The following LCA5 variants were observed in gnomAD, a reference collection of about 807,000 sequenced individuals.
The protein encoded by LCA5 is lebercilin.
A neutral mutation model predicts 53.0 loss-of-function variants in LCA5; 37 were observed. The observed-to-expected ratio is 0.70, with a 90% CI of 0.54 to 0.92. LCA5 has a LOEUF of 0.92. LCA5 is among the 40% of genes least tolerant of loss of function. The pLI, the probability that LCA5 is intolerant of heterozygous loss-of-function variation, is 0.00. For missense variants in LCA5, 806 were observed against 790.5 expected, an observed-to-expected ratio of 1.02 and a Z score of -0.23; for synonymous variants, 303 against 282.9, an observed-to-expected ratio of 1.07 and a Z score of -0.71.
At chr6:79,504,910 T>C (rs1770236644) in intron 3 of LCA5, among the ~76,000 whole-genome samples, 2 of 152,134 alleles carry the variant, frequency 1.3e-5, no homozygotes, top group Non-Finnish European at 2.9e-5. Flanking sequence ...TATTGAACAA[T>C]GTGTATGGTA....
rs75116057 is a variant in LCA5 at position 79,528,484 on chromosome 6, T to C, written c.-192+8681A>G. Among the ~76,000 whole-genome samples the C allele has an allele frequency of 1.2e-4, 19 of 152,298 alleles. No homozygotes were observed. In the East Asian group the frequency reaches 2.3e-3, roughly 19 times the overall value. On this transcript the variant is annotated intron_variant, in intron 1 of 7. Transcript: ENST00000369846. The stretch of plus-strand genomic sequence containing the variant: ...GATAGGGACTTGTGCTTTAGTCCAA[T>C]TGGCCATTCCCCTCTCCCTGGCATT...
intron 1 of LCA5, among the ~76,000 whole-genome samples, chr6:79,522,104 TA>T (rs574559904): frequency 2.5e-3 from 386 of 151,988 alleles, no homozygotes; most frequent in African/African-American, 7.0e-3. Flanking sequence ...AATTTATATA[TA>T]AAAAAAATCA....
Position 79,487,337 on chromosome 6 carries a change from A to T in LCA5, c.1761T>A (p.Leu587=). 2.5e-6 allele frequency: 4 copies of T among 1,613,912 alleles called. No homozygotes were observed. Among genetic ancestry groups the T allele is most frequent in the Non-Finnish European group, 3.4e-6 (4 of 1,179,888 alleles). The change falls in exon 8 of 8, where the codon CTT becomes CTA. Residue 587 remains leucine, a synonymous_variant. Coordinates refer to ENST00000369846, the MANE Select transcript of LCA5 (RefSeq NM_001122769.3). ...LDFQRNSMEK[L]SKDGVDLITR... is the part of the protein sequence containing the mutation. ...TAATTAAATCTACACCATCTTTACT[A>T]AGTTTTTCCATACTGTTTCTTTGGA...
At chr6:79,488,153 T>A (rs1254400147) in intron 7 of LCA5, 1 of 326,294 alleles carries the variant, frequency 3.1e-6, no homozygotes, top group African/African-American at 2.2e-5. Context: ...TAATGCTGTA[T>A]GGTGGGGATG....
At chr6:79,497,980 T>C (rs1028723144) in intron 3 of LCA5, among the ~76,000 whole-genome samples, 43 of 147,954 alleles carry the variant, frequency 2.9e-4, no homozygotes, top group Non-Finnish European at 4.5e-5. Context: ...AAAAGAAAGA[T>C]ATGATTAAGT....
At chr6:79,498,703 TAAG>T (rs1770050152) in intron 3 of LCA5, among the ~76,000 whole-genome samples, 1 of 152,048 alleles carries the variant, frequency 6.6e-6, no homozygotes, top group African/African-American at 2.4e-5. Context: ...ATTAAAATAT[TAAG>T]AAGAATTTTT....
chr6:79,504,627 T>C (rs1212437785), intron 3 of LCA5, among the ~76,000 whole-genome samples: 1 of 152,164 alleles, frequency 6.6e-6, no homozygotes, highest in Non-Finnish European at 1.5e-5. Flanking sequence ...TCCAGTTAGA[T>C]TATAGGTCAC....
intron 1 of LCA5, among the ~76,000 whole-genome samples, chr6:79,525,646 T>G (rs1276028581): frequency 6.6e-6 from 1 of 152,102 alleles, no homozygotes; most frequent in Non-Finnish European, 1.5e-5. Context: ...CATTCGAAAT[T>G]CAACAAGAAA....
intron 3 of LCA5, among the ~76,000 whole-genome samples, chr6:79,505,134 G>A (rs1303167132): frequency 6.6e-6 from 1 of 152,066 alleles, no homozygotes; most frequent in African/African-American, 2.4e-5. Flanking sequence ...TCAATGGGAA[G>A]GTTATCTTAG....
upstream of LCA5, among the ~76,000 whole-genome samples, chr6:79,537,625 A>G (rs980899174): frequency 1.3e-5 from 2 of 152,190 alleles, no homozygotes; most frequent in Non-Finnish European, 2.9e-5. Flanking sequence ...CAAAACGCGG[A>G]GCGCTCCAGG....
intron 1 of LCA5, among the ~76,000 whole-genome samples, chr6:79,532,593 G>A (rs536168690): frequency 6.6e-6 from 1 of 152,244 alleles, no homozygotes; most frequent in Non-Finnish European, 1.5e-5. Context: ...AACAGCCTTA[G>A]TACTTGCTGC....
At chr6:79,500,411 TTTA>T in intron 3 of LCA5, among the ~76,000 whole-genome samples, 1 of 152,322 alleles carries the variant, frequency 6.6e-6, no homozygotes, top group African/African-American at 2.4e-5. Context: ...TCATTTATTT[TTTA>T]TTAATTAGTA....
At chr6:79,510,858 A>G (rs758689589) in intron 3 of LCA5, among the ~76,000 whole-genome samples, 1 of 152,170 alleles carries the variant, frequency 6.6e-6, no homozygotes, top group Non-Finnish European at 1.5e-5. Context: ...AATTAAAACC[A>G]CAATGAGATG....
At chr6:79,508,291 T>C (rs141350370) in intron 3 of LCA5, among the ~76,000 whole-genome samples, 3 of 152,310 alleles carry the variant, frequency 2.0e-5, no homozygotes, top group African/African-American at 7.2e-5. Context: ...CTTTGGCTGT[T>C]TGCCTCCCTA....
chr6:79,487,319 A>G lies in LCA5; in HGVS notation c.1779T>C (p.Asp593=), dbSNP rs769600965. The change falls in exon 8 of 8, where the codon GAT becomes GAC. Residue 593 remains aspartate (D), a synonymous_variant. Coordinates refer to ENST00000369846, the MANE Select transcript of LCA5 (RefSeq NM_001122769.3). ...SMEKLSKDGV[D]LITRKEKKAN... is the part of the protein sequence containing the mutation. ...CTTTTTTCTCTTTTCTTGTAATTAA[A>G]TCTACACCATCTTTACTAAGTTTTT... 6.2e-7 allele frequency: 1 copy of G among 1,614,030 alleles called. No individual in the cohort carries two copies.
At chr6:79,522,523 T>C (rs1258669816) in intron 1 of LCA5, among the ~76,000 whole-genome samples, 1 of 151,998 alleles carries the variant, frequency 6.6e-6, no homozygotes, top group East Asian at 1.9e-4. Flanking sequence ...AAAAACTAGA[T>C]TCTTTAATGA....
intron 3 of LCA5, among the ~76,000 whole-genome samples, chr6:79,494,865 G>C (rs1769937287): frequency 6.6e-6 from 1 of 152,132 alleles, no homozygotes; most frequent in African/African-American, 2.4e-5. Context: ...AAGAAATAAA[G>C]TGTCTTAGAC....
chr6:79,500,409 T>C (rs960214645), intron 3 of LCA5, among the ~76,000 whole-genome samples: 1 of 152,296 alleles, frequency 6.6e-6, no homozygotes, highest in East Asian at 1.9e-4. Flanking sequence ...CTTCATTTAT[T>C]TTTTATTAAT....
chr6:79,489,394 C>T (rs554408276), intron 6 of LCA5, among the ~76,000 whole-genome samples, 178 bp from the exon 7 acceptor site: 1 of 152,062 alleles, frequency 6.6e-6, no homozygotes, highest in East Asian at 1.9e-4. Context: ...CAAAACCGCA[C>T]AGGATTATTT....
Sources: allele counts gnomAD v4.1 joint callset (sites outside exome capture counted in the v4.1 genomes callset), GRCh38; gene constraint gnomAD v4.1.1; transcripts MANE v1.5; gene names NCBI Gene and HGNC (gene_info 2026-07-23, HGNC 2026-07-21).